C10orf67: variants seen among roughly 807,000 people sequenced by gnomAD.
The protein encoded by C10orf67 is chromosome 10 open reading frame 67.
A neutral mutation model predicts 35.6 loss-of-function variants in C10orf67; 60 were observed. The observed-to-expected ratio is 1.68, with a 90% CI of 1.37 to 2.09. C10orf67 has a LOEUF of 2.09. Ranked by LOEUF, C10orf67 falls within the 30% of genes most tolerant of loss-of-function variation. C10orf67 has a pLI of 0.00. For missense variants in C10orf67, 474 were observed against 330.2 expected, an observed-to-expected ratio of 1.44 and a Z score of -3.38; for synonymous variants, 167 against 115.8, an observed-to-expected ratio of 1.44 and a Z score of -2.84.
At chr10:23,289,327 C>T (rs1187798050) in intron 7 of C10orf67, among the ~76,000 whole-genome samples, 1 of 152,112 alleles carries the variant, frequency 6.6e-6, no homozygotes, top group Non-Finnish European at 1.5e-5. Flanking sequence ...CCACACTCGG[C>T]TAATTTTTTT....
chr10:23,256,780 A>G (rs2132171546), intron 10 of C10orf67, among the ~76,000 whole-genome samples: 1 of 151,860 alleles, frequency 6.6e-6, no homozygotes, highest in South Asian at 2.1e-4. Flanking sequence ...AGACTTGAGG[A>G]GGGGATCAGC....
intron 5 of C10orf67, among the ~76,000 whole-genome samples, chr10:23,298,069 C>T (rs1843951099): frequency 6.6e-6 from 1 of 152,066 alleles, no homozygotes; most frequent in African/African-American, 2.4e-5. Context: ...TCCTGGCGAA[C>T]ACGGTGAAAC....
intron 10 of C10orf67, among the ~76,000 whole-genome samples, chr10:23,253,059 G>A (rs183527437): frequency 6.6e-6 from 1 of 151,628 alleles, no homozygotes; most frequent in Non-Finnish European, 1.5e-5. Context: ...CATGTAAGAT[G>A]TGACTTGCTC....
chr10:23,253,836 T>C (rs578024836), intron 10 of C10orf67, among the ~76,000 whole-genome samples: 2 of 152,208 alleles, frequency 1.3e-5, no homozygotes, highest in East Asian at 3.9e-4. Flanking sequence ...AAGACAACAC[T>C]ATTATGATGA....
intron 15 of C10orf67, among the ~76,000 whole-genome samples, chr10:23,211,483 G>GTT (rs757388507): frequency 1.0e-5 from 1 of 99,120 alleles, no homozygotes; most frequent in South Asian, 3.1e-4. Context: ...GTGTGTGGGG[G>GTT]GGGGGGGTAT....
intron 8 of C10orf67, among the ~76,000 whole-genome samples, chr10:23,270,044 T>C (rs1432052385): frequency 2.0e-5 from 3 of 152,170 alleles, no homozygotes; most frequent in Admixed American, 6.5e-5. Context: ...TTTTCAAGTA[T>C]ATGTAATACT....
intron 2 of C10orf67, among the ~76,000 whole-genome samples, chr10:23,323,105 A>C (rs953899813): frequency 2.0e-5 from 3 of 152,212 alleles, no homozygotes; most frequent in Non-Finnish European, 2.9e-5. Context: ...AGAGTTTCCT[A>C]GCAGTTTCTT....
chr10:23,312,306 T>C (rs1191105917), intron 4 of C10orf67, among the ~76,000 whole-genome samples: 2 of 152,190 alleles, frequency 1.3e-5, no homozygotes, highest in Non-Finnish European at 2.9e-5. Flanking sequence ...ATAATTATCA[T>C]TATTTATTTT....
chr10:23,245,505 C>T (rs1266841342), intron 12 of C10orf67, among the ~76,000 whole-genome samples: 1 of 152,100 alleles, frequency 6.6e-6, no homozygotes. Context: ...AGAAACTCAG[C>T]TTAACAGCAA....
intron 10 of C10orf67, chr10:23,258,230 A>T (rs939571391): frequency 1.2e-5 from 2 of 164,958 alleles, no homozygotes; most frequent in Non-Finnish European, 2.7e-5. Context: ...TCCCACACCA[A>T]TCTGGCTACT....
chr10:23,268,259 C>T (rs1842933313), intron 8 of C10orf67, among the ~76,000 whole-genome samples: 1 of 152,160 alleles, frequency 6.6e-6, no homozygotes, highest in Non-Finnish European at 1.5e-5. Context: ...TGTGCCACTG[C>T]ACTCCAACCT....
intron 1 of C10orf67, among the ~76,000 whole-genome samples, chr10:23,339,933 T>G (rs1845818660): frequency 6.6e-6 from 1 of 152,152 alleles, no homozygotes; most frequent in African/African-American, 2.4e-5. Context: ...TGCTGCACAT[T>G]TAACAGATCC....
At chr10:23,279,598 G>C (rs143871434) in intron 8 of C10orf67, among the ~76,000 whole-genome samples, 6 of 152,196 alleles carry the variant, frequency 3.9e-5, no homozygotes, top group African/African-American at 1.4e-4. Context: ...GGATGAAGCA[G>C]ATGGAAATGA....
intron 8 of C10orf67, among the ~76,000 whole-genome samples, chr10:23,268,877 T>C (rs1378525123): frequency 6.6e-6 from 1 of 152,232 alleles, no homozygotes; most frequent in Non-Finnish European, 1.5e-5. Flanking sequence ...AACACAATGA[T>C]ATGTATTTGT....
chr10:23,250,585 C>T (rs980606993), intron 11 of C10orf67, 27 bp downstream of exon 11: 11 of 398,502 alleles, frequency 2.8e-5, no homozygotes, highest in Middle Eastern at 6.3e-4. Flanking sequence ...ATCTCATTAC[C>T]AGTGCCTTTT....
intron 2 of C10orf67, among the ~76,000 whole-genome samples, chr10:23,330,855 T>C (rs1262238137): frequency 6.6e-6 from 1 of 152,118 alleles, no homozygotes; most frequent in African/African-American, 2.4e-5. Context: ...TTCCGTCTTA[T>C]TACTCTGCTG....
At chr10:23,247,698 A>G (rs1481099040) in intron 12 of C10orf67, among the ~76,000 whole-genome samples, 1 of 152,214 alleles carries the variant, frequency 6.6e-6, no homozygotes, top group African/African-American at 2.4e-5. Flanking sequence ...TATCAAACTG[A>G]TTGGAAGAAA....
chr10:23,238,357 A>C (rs536491137), intron 13 of C10orf67, among the ~76,000 whole-genome samples: 1 of 152,262 alleles, frequency 6.6e-6, no homozygotes, highest in East Asian at 1.9e-4. Flanking sequence ...TGAGTATCTC[A>C]TGTGTCAACA....
At chr10:23,332,876 G>A (rs1392051085) in intron 2 of C10orf67, among the ~76,000 whole-genome samples, 186 bp downstream of exon 2, 1 of 152,140 alleles carries the variant, frequency 6.6e-6, no homozygotes, top group Non-Finnish European at 1.5e-5. Context: ...TAACATGTAA[G>A]TATGACATAA....
Sources: allele counts gnomAD v4.1 joint callset (sites outside exome capture counted in the v4.1 genomes callset), GRCh38; gene constraint gnomAD v4.1.1; transcripts MANE v1.5; gene names NCBI Gene and HGNC (gene_info 2026-07-23, HGNC 2026-07-21).